BACE2: variants seen among roughly 807,000 people sequenced by gnomAD.
BACE2 encodes the protein 56 kDa aspartic-like protease.
In BACE2, 17 loss-of-function variants were observed where a neutral mutation model predicts 46.2. The ratio of observed to expected loss-of-function variants is 0.37; its 90% CI spans 0.25 to 0.55. The LOEUF (loss-of-function observed/expected upper bound fraction) is 0.55. Among genes scored for constraint, BACE2 ranks in the 20% least tolerant of loss-of-function variants. The pLI is 0.82. For synonymous variants in BACE2, 277 were observed against 295.9 expected, an observed-to-expected ratio of 0.94 and a Z score of 0.66; for missense variants, 595 against 698.1, an observed-to-expected ratio of 0.85 and a Z score of 1.66.
chr21:41,192,892 A>G (rs1166622458), intron 1 of BACE2, among the ~76,000 whole-genome samples: 1 of 152,256 alleles, frequency 6.6e-6, no homozygotes, highest in African/African-American at 2.4e-5. Context: ...GAGGGACTAA[A>G]TGCAGCAACT....
Position 41,168,460 on chromosome 21 carries a change from C to T in BACE2, c.197C>T (p.Pro66Leu), listed in dbSNP as rs1984462801. 1.4e-6 allele frequency: 2 copies of T among 1,400,426 alleles called. No individual in the cohort carries two copies. The highest frequency in any genetic ancestry group is 1.9e-6 in the Non-Finnish European group (2 of 1,074,606). The allele number at this position is 1,400,426 out of a possible 1,614,324, so 86.7% of individuals were successfully genotyped here. Residue 66 changes from proline (P) to leucine (L), a missense_variant, in exon 1 of 9, where the codon CCT becomes CTT. Pro to Leu is a moderately conservative substitution (Grantham distance 98, BLOSUM62 -3). Coordinates refer to ENST00000330333, the MANE Select transcript of BACE2 (RefSeq NM_012105.5). ...HADGLALALEPALASPAGAAN... is the reference protein window; with the variant it reads ...HADGLALALELALASPAGAAN... ...GACGGCTTGGCGCTCGCCCTGGAGCCTGCCCTGGCGTCCCCCGCGGGCGCC... is the reference window on the plus strand; with the variant it reads ...GACGGCTTGGCGCTCGCCCTGGAGCTTGCCCTGGCGTCCCCCGCGGGCGCC...
At chr21:41,242,040 C>T (rs1292459440) in intron 4 of BACE2, 93 bp downstream of exon 4, 2 of 1,534,648 alleles carry the variant, frequency 1.3e-6, no homozygotes, top group Non-Finnish European at 1.8e-6. Context: ...AAATATTAGG[C>T]ATGTAGGTGT....
rs1324945289 is a variant in BACE2 at position 41,276,592 on chromosome 21, A to G, written c.*968A>G. On this transcript the variant is annotated 3_prime_UTR_variant, in exon 9 of 9. Coordinates refer to ENST00000330333, the MANE Select transcript of BACE2 (RefSeq NM_012105.5). ...AATCATGTTTTGATGAGAAAAAACT[A>G]TTCTATTTCACTAGCTTAGTTGTCT... 1 of 152,214 alleles carries G rather than the reference A, an allele frequency of 6.6e-6. No homozygotes were observed. The highest frequency in any genetic ancestry group is 1.5e-5 in the Non-Finnish European group (1 of 68,030). 9.4% of individuals were successfully genotyped at this position (152,214 alleles called of 1,614,324 possible).
intron 4 of BACE2, 130 bp downstream of exon 4, chr21:41,242,077 T>G (rs996324865): frequency 1.7e-6 from 2 of 1,206,320 alleles, no homozygotes; most frequent in Non-Finnish European, 2.3e-6. Flanking sequence ...ACTTTCATCC[T>G]CCTTGTAGTA....
chr21:41,239,198 G>A (rs1251177855), intron 3 of BACE2, among the ~76,000 whole-genome samples: 1 of 151,928 alleles, frequency 6.6e-6, no homozygotes, highest in Non-Finnish European at 1.5e-5. Context: ...GGTGGGGTGG[G>A]GAGGGCAAGA....
At chr21:41,264,567 G>T (rs1473845918) in intron 8 of BACE2, among the ~76,000 whole-genome samples, 1 of 152,126 alleles carries the variant, frequency 6.6e-6, no homozygotes, top group Non-Finnish European at 1.5e-5. Flanking sequence ...AGCAGGCACA[G>T]TCTTCACGTG....
intron 8 of BACE2, among the ~76,000 whole-genome samples, chr21:41,266,347 G>C (rs1988066893): frequency 6.6e-6 from 1 of 152,184 alleles, no homozygotes; most frequent in Admixed American, 6.5e-5. Context: ...TCTCATAGTA[G>C]ACTTTTTTCT....
At chr21:41,188,567 C>T (rs1003687086) in intron 1 of BACE2, among the ~76,000 whole-genome samples, 3 of 152,016 alleles carry the variant, frequency 2.0e-5, no homozygotes, top group Non-Finnish European at 2.9e-5. Context: ...ATCACCCCCC[C>T]AGACCCAGGG....
intron 6 of BACE2, among the ~76,000 whole-genome samples, chr21:41,246,818 G>A (rs1987482873): frequency 6.6e-6 from 1 of 152,174 alleles, no homozygotes; most frequent in Non-Finnish European, 1.5e-5. Context: ...ACTTTTAGCT[G>A]GATGCCTGGC....
chr21:41,258,822 A>G (rs1328152157), intron 8 of BACE2, among the ~76,000 whole-genome samples: 1 of 152,004 alleles, frequency 6.6e-6, no homozygotes, highest in African/African-American at 2.4e-5. Context: ...AACCCTTCCC[A>G]TTGTCATGTT....
chr21:41,169,558 T>G (rs1025612118), intron 1 of BACE2, among the ~76,000 whole-genome samples: 2 of 152,142 alleles, frequency 1.3e-5, no homozygotes, highest in African/African-American at 4.8e-5. Flanking sequence ...TATTTGAAGA[T>G]AGTTTATTTT....
At chr21:41,174,673 C>T (rs1984742360) in intron 1 of BACE2, among the ~76,000 whole-genome samples, 1 of 152,122 alleles carries the variant, frequency 6.6e-6, no homozygotes. Context: ...CTTGCCCCAA[C>T]CCCACACTGG....
chr21:41,186,706 T>C (rs1358581848), intron 1 of BACE2: 1 of 152,254 alleles, frequency 6.6e-6, no homozygotes, highest in Admixed American at 6.5e-5. Flanking sequence ...GCAGCTTTCA[T>C]GGAAGCAGCT....
chr21:41,270,831 T>C (rs1254321600), intron 8 of BACE2, among the ~76,000 whole-genome samples: 2 of 152,252 alleles, frequency 1.3e-5, no homozygotes, highest in Non-Finnish European at 2.9e-5. Flanking sequence ...AGTTAGTTAA[T>C]AGTGTTGTTT....
intron 1 of BACE2, chr21:41,186,635 T>A (rs1326825205): frequency 6.6e-6 from 1 of 152,274 alleles, no homozygotes; most frequent in East Asian, 1.9e-4. Flanking sequence ...GACTGGGGCT[T>A]AGCCTGGGAG....
intron 1 of BACE2, among the ~76,000 whole-genome samples, chr21:41,217,521 G>A (rs979373983): frequency 3.9e-5 from 6 of 152,112 alleles, no homozygotes; most frequent in Non-Finnish European, 7.4e-5. Context: ...CCAACACAGA[G>A]ACAGTGGTGA....
intron 1 of BACE2, chr21:41,179,339 G>T (rs1430863040): frequency 7.6e-7 from 1 of 1,311,952 alleles, no homozygotes; most frequent in Non-Finnish European, 1.0e-6. Flanking sequence ...TGAGGAGTGA[G>T]GGTATCCAGG....
intron 2 of BACE2, among the ~76,000 whole-genome samples, chr21:41,231,891 A>T (rs886518386): frequency 6.6e-6 from 1 of 152,188 alleles, no homozygotes; most frequent in African/African-American, 2.4e-5. Flanking sequence ...CATGTTTTTC[A>T]TTTAAAGTGC....
chr21:41,278,201 A>G lies in BACE2; in HGVS notation c.*2577A>G, dbSNP rs1010340754. On this transcript the variant is annotated 3_prime_UTR_variant, in exon 9 of 9. Coordinates refer to ENST00000330333, the MANE Select transcript of BACE2 (RefSeq NM_012105.5). ...ACTTAGCATTAGGTTGTTATCAGAA[A>G]CCTTGTCAAGTCTGATGGGAAATGA... 4 of 152,202 alleles carry G rather than the reference A, an allele frequency of 2.6e-5. No individual in the cohort carries two copies. Among genetic ancestry groups the G allele is most frequent in the African/African-American group, 9.6e-5 (4 of 41,452 alleles). The allele number at this position is 152,202 out of a possible 1,614,324, so 9.4% of individuals were successfully genotyped here. A position where few individuals can be genotyped will look rare whatever the true frequency, so the allele number is the denominator to read the frequency against.
Sources: allele counts gnomAD v4.1 joint callset (sites outside exome capture counted in the v4.1 genomes callset), GRCh38; gene constraint gnomAD v4.1.1; transcripts MANE v1.5; gene names NCBI Gene and HGNC (gene_info 2026-07-23, HGNC 2026-07-21).